RFPL1: variants seen among roughly 807,000 people sequenced by gnomAD.
RFPL1 encodes ret finger protein-like 1.
A neutral mutation model predicts 9.6 loss-of-function variants in RFPL1; 6 were observed. The observed-to-expected ratio is 0.62, with a 90% CI of 0.34 to 1.23. The LOEUF is 1.23. Among genes scored for constraint, RFPL1 ranks in the 50% most tolerant of loss-of-function variants. The pLI is 0.03. For synonymous variants in RFPL1, 145 were observed against 149.4 expected, an observed-to-expected ratio of 0.97 and a Z score of 0.22; for missense variants, 352 against 398.4, an observed-to-expected ratio of 0.88 and a Z score of 0.99.
the RFPL1 span, among the ~76,000 whole-genome samples, chr22:29,420,008 G>A: frequency 6.6e-6 from 1 of 152,132 alleles, no homozygotes; most frequent in Non-Finnish European, 1.5e-5. Flanking sequence ...ACCCTTAAAA[G>A]GCTCAGTGCA....
the RFPL1 span, among the ~76,000 whole-genome samples, chr22:29,394,261 C>T: frequency 6.6e-6 from 1 of 152,178 alleles, no homozygotes; most frequent in Non-Finnish European, 1.5e-5. Context: ...TCAAGTGATT[C>T]TCTTGCCTCA....
chr22:29,407,025 G>T, the RFPL1 span, among the ~76,000 whole-genome samples: 85 of 151,848 alleles, frequency 5.6e-4, no homozygotes, highest in Non-Finnish European at 1.0e-3. Context: ...TAAATCAATG[G>T]TAGATGATAC....
At chr22:29,411,889 T>A in the RFPL1 span, among the ~76,000 whole-genome samples, 2 of 152,312 alleles carry the variant, frequency 1.3e-5, no homozygotes, top group Middle Eastern at 3.4e-3. Flanking sequence ...TAGTATTTTG[T>A]AATTTTAGTA....
chr22:29,424,505 A>C, the RFPL1 span, among the ~76,000 whole-genome samples: 1 of 151,966 alleles, frequency 6.6e-6, no homozygotes, highest in Non-Finnish European at 1.5e-5. Flanking sequence ...ATGTTGCATA[A>C]TTTGCCCAAG....
chr22:29,424,836 C>CA, the RFPL1 span, among the ~76,000 whole-genome samples: 3 of 103,018 alleles, frequency 2.9e-5, no homozygotes, highest in Admixed American at 1.1e-4. Context: ...CCCTCCCACC[C>CA]CCCCCCCCGC....
chr22:29,410,606 G>GAT, the RFPL1 span, among the ~76,000 whole-genome samples: 4 of 107,596 alleles, frequency 3.7e-5, no homozygotes, highest in African/African-American at 1.7e-4. Flanking sequence ...GATATATATA[G>GAT]ATATATCTAT....
At position 29,441,648 on chromosome 22, in the gene RFPL1, C is replaced by T. The variant is rs1305856031; in HGVS notation, c.480C>T (p.Ala160=). Residue 160 remains alanine, a synonymous_variant, in exon 2 of 2, where the codon GCC becomes GCT. Coordinates refer to ENST00000354373, the Ensembl canonical transcript of RFPL1. ...TCACACAGAATCGGCAAGACCTTGC[C>T]GAGAGATTTGACGTGTCCATTTGCA... 1.4e-5 allele frequency: 22 copies of T among 1,613,772 alleles called. No individual in the cohort carries two copies. The Admixed American group carries it at 2.8e-4, about 21-fold the overall frequency.
chr22:29,410,215 CTA>C, the RFPL1 span, among the ~76,000 whole-genome samples: 7 of 129,934 alleles, frequency 5.4e-5, no homozygotes, highest in Admixed American at 8.5e-5. Context: ...GTAAGTATAT[CTA>C]TATATATATA....
At chr22:29,440,974 T>C (rs2062835782) in intron 1 of RFPL1, 1 of 153,254 alleles carries the variant, frequency 6.5e-6, no homozygotes, top group Admixed American at 6.5e-5. Flanking sequence ...TTCTTTCATC[T>C]AAGGCCCCCC....
chr22:29,410,622 TATA>T, the RFPL1 span, among the ~76,000 whole-genome samples: 1 of 138,632 alleles, frequency 7.2e-6, no homozygotes, highest in African/African-American at 2.7e-5. Flanking sequence ...TCTATCTATA[TATA>T]GATAGATATA....
At chr22:29,397,165 TC>T in the RFPL1 span, among the ~76,000 whole-genome samples, 2 of 152,160 alleles carry the variant, frequency 1.3e-5, no homozygotes, top group Admixed American at 1.3e-4. Context: ...CACCTCGGCC[TC>T]CCAAAGTGCT....
chr22:29,409,675 T>C, the RFPL1 span, among the ~76,000 whole-genome samples: 6 of 152,310 alleles, frequency 3.9e-5, no homozygotes, highest in African/African-American at 1.4e-4. Context: ...AGAAATGTTT[T>C]TTCTGGGCCC....
exon 1 of RFPL1, chr22:29,439,030 G>A (rs754251589): frequency 1.2e-6 from 2 of 1,614,144 alleles, no homozygotes; most frequent in Non-Finnish European, 1.7e-6. Flanking sequence ...CTTTGCTGTT[G>A]CTGTTCCATG....
the RFPL1 span, among the ~76,000 whole-genome samples, chr22:29,419,822 GA>G: frequency 9.6e-5 from 14 of 145,692 alleles, no homozygotes; most frequent in Admixed American, 2.1e-4. Flanking sequence ...AAAAAGAAAA[GA>G]AAAAAAAAGA....
chr22:29,397,370 G>T, the RFPL1 span, among the ~76,000 whole-genome samples: 6 of 152,228 alleles, frequency 3.9e-5, no homozygotes, highest in Non-Finnish European at 8.8e-5. Flanking sequence ...TCTAAGGCAG[G>T]TCCTTAGAGC....
chr22:29,414,214 T>TTTATATAAATTA, the RFPL1 span, among the ~76,000 whole-genome samples: 1 of 142,372 alleles, frequency 7.0e-6, no homozygotes, highest in Non-Finnish European at 1.5e-5. Flanking sequence ...AACATTCCTT[T>TTTATATAAATTA]TGCACCCCCA....
the RFPL1 span, among the ~76,000 whole-genome samples, chr22:29,426,151 C>T: frequency 1.3e-5 from 2 of 150,844 alleles, no homozygotes; most frequent in East Asian, 2.0e-4. Flanking sequence ...GGCCAAACCC[C>T]TTCTCCACTA....
chr22:29,439,069 G>A, exon 1 of RFPL1: 1 of 1,614,124 alleles, frequency 6.2e-7, no homozygotes, highest in Non-Finnish European at 8.5e-7. Flanking sequence ...ATCAGGCCCA[G>A]TTGGCAGCTA....
chr22:29,432,909 C>G, the RFPL1 span: 1 of 152,130 alleles, frequency 6.6e-6, no homozygotes, highest in African/African-American at 2.4e-5. Flanking sequence ...TAATTGAACT[C>G]CAATATCATG....
Sources: allele counts gnomAD v4.1 joint callset (sites outside exome capture counted in the v4.1 genomes callset), GRCh38; gene constraint gnomAD v4.1.1; transcripts MANE v1.5; gene names NCBI Gene and HGNC (gene_info 2026-07-23, HGNC 2026-07-21).